The following MAL2 variants were observed in gnomAD, a reference collection of about 807,000 sequenced individuals.
MAL2 encodes the protein mal, T cell differentiation protein 2.
MAL2 carries 17 observed loss-of-function variants against 18.1 expected under a neutral mutation model. The observed-to-expected ratio is 0.94, with a 90% CI of 0.64 to 1.41. The LOEUF (loss-of-function observed/expected upper bound fraction) is 1.41, where lower values mean the gene tolerates loss of function less well. Among genes scored for constraint, MAL2 ranks in the 40% most tolerant of loss-of-function variants. The pLI, the probability that MAL2 is intolerant of heterozygous loss-of-function variation, is 0.00. For missense variants in MAL2, 222 were observed against 231.9 expected, an observed-to-expected ratio of 0.96 and a Z score of 0.28; for synonymous variants, 102 against 102.3, an observed-to-expected ratio of 1.00 and a Z score of 0.02.
At chr8:119,233,339 AAGG>A (rs1817778026) in intron 2 of MAL2, among the ~76,000 whole-genome samples, 1 of 152,230 alleles carries the variant, frequency 6.6e-6, no homozygotes, top group Non-Finnish European at 1.5e-5. Context: ...AGCAGAACTG[AAGG>A]AAATAGAGAC....
chr8:119,236,916 A>G (rs1263058139), intron 2 of MAL2, among the ~76,000 whole-genome samples: 2 of 149,916 alleles, frequency 1.3e-5, no homozygotes, highest in Non-Finnish European at 3.0e-5. Context: ...TTCAAAAGCT[A>G]GCAGAAGGCA....
intron 1 of MAL2, among the ~76,000 whole-genome samples, chr8:119,215,930 G>C (rs1817345211): frequency 6.6e-6 from 1 of 152,146 alleles, no homozygotes; most frequent in Non-Finnish European, 1.5e-5. Context: ...TGTTGGCTAA[G>C]TATGTTTCTA....
chr8:119,213,958 T>C (rs1472950344), intron 1 of MAL2, among the ~76,000 whole-genome samples: 1 of 152,096 alleles, frequency 6.6e-6, no homozygotes, highest in Non-Finnish European at 1.5e-5. Flanking sequence ...AACTGAAATA[T>C]GGAAAACTTT....
At chr8:119,237,758 T>C (rs1817940519) in intron 2 of MAL2, among the ~76,000 whole-genome samples, 1 of 151,796 alleles carries the variant, frequency 6.6e-6, no homozygotes, top group East Asian at 1.9e-4. Flanking sequence ...CTAAAAACTC[T>C]CAAGAAATTA....
chr8:119,227,507 A>C (rs1817620441), intron 2 of MAL2, among the ~76,000 whole-genome samples: 1 of 152,188 alleles, frequency 6.6e-6, no homozygotes, highest in African/African-American at 2.4e-5. Flanking sequence ...TAGTACCTCC[A>C]CTGTGCTGTC....
Position 119,245,312 on chromosome 8 carries a change from C to G in MAL2, c.*1824C>G, listed in dbSNP as rs1490951094. ...AGTACATTCTAGTTGGAATCGTTTA[C>G]TCTGCTAGAATTTAGGTGTGAGATT... is the stretch of plus-strand genomic sequence containing the variant. On this transcript the variant is annotated 3_prime_UTR_variant, in exon 4 of 4. Transcript: ENST00000614891. The G allele has an allele frequency of 3.3e-5, 5 of 152,562 alleles. No individual in the cohort carries two copies. The highest frequency in any genetic ancestry group is 5.9e-5 in the Non-Finnish European group (4 of 68,014). 9.5% of individuals were successfully genotyped at this position (152,562 alleles called of 1,614,324 possible).
chr8:119,235,663 T>G (rs1162231862), intron 2 of MAL2, among the ~76,000 whole-genome samples: 3 of 151,632 alleles, frequency 2.0e-5, no homozygotes, highest in Non-Finnish European at 2.9e-5. Context: ...TAAAGAATTT[T>G]CAACCCAGAA....
chr8:119,221,530 T>C, intron 1 of MAL2, 57 bp from the exon 2 acceptor site: 5 of 1,595,738 alleles, frequency 3.1e-6, no homozygotes, highest in Non-Finnish European at 4.3e-6. Flanking sequence ...CATGTTTAAT[T>C]CTGTTGTGTG....
intron 2 of MAL2, among the ~76,000 whole-genome samples, chr8:119,224,652 T>G (rs1019437821): frequency 6.6e-6 from 1 of 152,284 alleles, no homozygotes; most frequent in East Asian, 1.9e-4. Context: ...CCGAGTAGTA[T>G]ACATTGTACC....
At chr8:119,238,351 C>T (rs1249361727) in intron 2 of MAL2, among the ~76,000 whole-genome samples, 1 of 152,080 alleles carries the variant, frequency 6.6e-6, no homozygotes, top group Non-Finnish European at 1.5e-5. Flanking sequence ...GCCATACTGC[C>T]CAAGGTAATT....
chr8:119,235,240 A>G lies in MAL2; in HGVS notation c.304-4925A>G, dbSNP rs1438951735. Among the ~76,000 whole-genome samples the G allele has an allele frequency of 3.3e-5, 5 of 152,242 alleles. No individual in the cohort carries two copies. In the East Asian group the frequency reaches 5.8e-4, roughly 18 times the overall value. ...GAAGATGAAATGAAGCGAGAAGGGA[A>G]GTTTAGAGAAAAAAGAATAAAAAGA... On this transcript the variant is annotated intron_variant, in intron 2 of 3. Transcript: ENST00000614891.
At chr8:119,231,630 T>C (rs766753925) in intron 2 of MAL2, among the ~76,000 whole-genome samples, 18 of 152,208 alleles carry the variant, frequency 1.2e-4, no homozygotes, top group African/African-American at 4.1e-4. Flanking sequence ...CAGTGAGATA[T>C]CTGCATTCTC....
intron 2 of MAL2, among the ~76,000 whole-genome samples, chr8:119,237,927 A>G (rs1273928067): frequency 6.6e-6 from 1 of 152,210 alleles, no homozygotes; most frequent in Non-Finnish European, 1.5e-5. Context: ...TAGTGTTGGA[A>G]GTTCTGGCCA....
rs528882433 is a variant in MAL2 at position 119,228,982 on chromosome 8, G to A, written c.303+7225G>A. 3.4e-4 allele frequency among the ~76,000 whole-genome samples: 51 copies of A among 152,184 alleles called. No individual in the cohort carries two copies. The South Asian group carries it at 0.01, about 31-fold the overall frequency. ...GGAAGCAGTGGGTAGATCAGCTTTG[G>A]CAATAAGGAGGCCATACTCTTGGGC... On this transcript the variant is annotated intron_variant, in intron 2 of 3. Coordinates refer to ENST00000614891, the MANE Select transcript of MAL2 (RefSeq NM_052886.3).
At chr8:119,209,056 C>A in intron 1 of MAL2, 1 of 149,524 alleles carries the variant, frequency 6.7e-6, no homozygotes, top group Admixed American at 6.6e-5. Context: ...GTGGCTGCCA[C>A]GCTGTGGAAA....
chr8:119,218,118 A>G (rs1817389475), intron 1 of MAL2, among the ~76,000 whole-genome samples: 2 of 152,124 alleles, frequency 1.3e-5, no homozygotes, highest in African/African-American at 4.8e-5. Flanking sequence ...GGGCTCAATT[A>G]TGTTCTCTGG....
intron 3 of MAL2, among the ~76,000 whole-genome samples, chr8:119,241,933 A>G (rs372524946): frequency 6.6e-6 from 1 of 152,154 alleles, no homozygotes. Context: ...AGCTGCCTCT[A>G]CCCACCCATA....
chr8:119,234,207 G>T (rs544764894), intron 2 of MAL2, among the ~76,000 whole-genome samples: 11 of 152,160 alleles, frequency 7.2e-5, no homozygotes, highest in East Asian at 1.9e-4. Flanking sequence ...CGGACGCACC[G>T]GGAAAATCGG....
chr8:119,240,979 T>C (rs1209160918), intron 3 of MAL2, among the ~76,000 whole-genome samples: 2 of 152,198 alleles, frequency 1.3e-5, no homozygotes, highest in Admixed American at 6.5e-5. Context: ...TTGTTAGAGA[T>C]CATTGTTAAG....
Sources: gnomAD v4.1 joint callset for allele counts (sites outside exome capture counted in the v4.1 genomes callset) on GRCh38, gnomAD v4.1.1 for gene constraint, MANE v1.5 for transcripts, NCBI Gene and HGNC (gene_info 2026-07-23, HGNC 2026-07-21) for gene names.